The following SPTB variants were observed in gnomAD, a reference collection of about 807,000 sequenced individuals.
SPTB encodes the protein spectrin beta, erythrocytic.
A neutral mutation model predicts 256.2 loss-of-function variants in SPTB; 45 were observed. That is an observed-to-expected ratio of 0.18 (90% CI 0.14 to 0.23). The LOEUF is 0.23. SPTB is among the 10% of genes least tolerant of loss of function. The probability of loss-of-function intolerance (pLI) is 1.00; values close to 1 mark genes in which losing one functional copy is unlikely to be tolerated. For synonymous variants in SPTB, 1,231 were observed against 1,243.1 expected, an observed-to-expected ratio of 0.99 and a Z score of 0.21; for missense variants, 2,715 against 3,040.4, an observed-to-expected ratio of 0.89 and a Z score of 2.52.
intron 20 of SPTB, among the ~76,000 whole-genome samples, chr14:64,780,903 A>T (rs2082458546): frequency 6.6e-6 from 1 of 152,186 alleles, no homozygotes; most frequent in Admixed American, 6.5e-5. Context: ...CAGAGTAGAG[A>T]GTCCAGAAAT....
At chr14:64,800,064 G>A (rs2082852546) in intron 8 of SPTB, 130 bp from the exon 9 acceptor site, 1 of 1,194,120 alleles carries the variant, frequency 8.4e-7, no homozygotes, top group African/African-American at 1.5e-5. Context: ...GCTCTAGGCT[G>A]GGTTTGTTCC....
chr14:64,748,940 T>C lies in SPTB; in HGVS notation c.*366A>G. The C allele has an allele frequency of 1.8e-5, 3 of 163,064 alleles. No homozygotes were observed. Among genetic ancestry groups the C allele is most frequent in the Non-Finnish European group, 3.9e-5 (3 of 75,976 alleles). 10.1% of individuals were successfully genotyped at this position (163,064 alleles called of 1,614,324 possible). ...CCCCATCAGCCTTCTCCAGCTCTTT[T>C]TTTTTTTTTTTTTTGGTTGGGGGTA... On this transcript the variant is annotated 3_prime_UTR_variant, in exon 36 of 36. Transcript: ENST00000644917.
chr14:64,773,945 G>A (rs1338488448), intron 24 of SPTB, among the ~76,000 whole-genome samples: 2 of 152,180 alleles, frequency 1.3e-5, no homozygotes, highest in African/African-American at 4.8e-5. Context: ...GGCCCAGTGG[G>A]CTTCCATTTA....
rs55834470 is a variant in SPTB, at chr14:64,767,423, T to C, written c.6220-71A>G. ...GTTGTGTTCTCAGACGATCTCCCTC[T>C]GGATGCGGCCCTGCACCCCCACATG... On this transcript the variant is annotated intron_variant, in intron 30 of 35. Coordinates refer to ENST00000644917, the MANE Select transcript of SPTB (RefSeq NM_001355436.2). 22,194 of 1,598,734 alleles carry C rather than the reference T, an allele frequency of 0.014. 2,457 individuals are homozygous for C. The African/African-American group carries it at 0.25, about 18-fold the overall frequency.
At position 64,786,440 on chromosome 14, in the gene SPTB, T is replaced by C; in HGVS notation, c.3525A>G (p.Lys1175=). Residue 1175 remains lysine, a synonymous_variant, in exon 16 of 36, where the codon AAA becomes AAG. Transcript: ENST00000644917. This position sits in a 1 kb window ranked among gnomAD's most constrained non-coding sequence, Gnocchi z 5.6. ...GGATGGCTTCAGCCTGCTTGGCATC[T>C]TTCTGGAACTCCTGGAAGCCAAGGC... ...AQCLGFQEFQ[K]DAKQAEAILS... is the part of the protein sequence containing the mutation. 1 of 1,614,140 alleles carries C rather than the reference T, an allele frequency of 6.2e-7. No individual in the cohort carries two copies. The highest frequency in any genetic ancestry group is 8.5e-7 in the Non-Finnish European group (1 of 1,180,042).
Position 64,772,618 on chromosome 14 carries a change from T to C in SPTB, c.5515A>G (p.Thr1839Ala). 1 of 1,612,244 alleles carries C rather than the reference T, an allele frequency of 6.2e-7. No individual in the cohort carries two copies. Among genetic ancestry groups the C allele is most frequent in the Non-Finnish European group, 8.5e-7 (1 of 1,179,910 alleles). The part of the protein sequence containing the change: ...STAESFHRVH[T>A]AFERELHLLG... ...AGGTGGAGCTCCCGCTCGAAGGCTG[T>C]GTGCACCCGGTGGAAGGACTCGGCC... is the stretch of plus-strand genomic sequence containing the variant. Residue 1839 changes from threonine to alanine, a missense_variant, in exon 26 of 36, where the codon ACA becomes GCA. Thr to Ala is a moderately conservative substitution (Grantham distance 58). Transcript: ENST00000644917. The surrounding 1 kb of genome is among the most constrained non-coding windows in gnomAD (Gnocchi z 5.4).
At chr14:64,755,637 G>A (rs1044125559) in intron 32 of SPTB, 1 of 152,176 alleles carries the variant, frequency 6.6e-6, no homozygotes, top group African/African-American at 2.4e-5. Flanking sequence ...ATATGAGCAG[G>A]TGGGAAAGCC....
chr14:64,805,824 TG>T (rs1268804842), intron 2 of SPTB, among the ~76,000 whole-genome samples: 1 of 152,200 alleles, frequency 6.6e-6, no homozygotes, highest in Non-Finnish European at 1.5e-5. Flanking sequence ...AGGAAAATGA[TG>T]AGCAAGGGAA....
chr14:64,781,143 T>C lies in SPTB; in HGVS notation c.4266+1147A>G, dbSNP rs145508480. On this transcript the variant is annotated intron_variant, in intron 20 of 35. Coordinates refer to ENST00000644917, the MANE Select transcript of SPTB (RefSeq NM_001355436.2). ...GGCCTGGAAGACAACCTAGGCAATA[T>C]CATCCTGGACATAGGAATGGGCAAA... 5.1e-4 allele frequency among the ~76,000 whole-genome samples: 77 copies of C among 152,188 alleles called. No homozygotes were observed. In the East Asian group the frequency reaches 0.014, roughly 28 times the overall value.
chr14:64,788,662 A>G (rs1206017540), intron 15 of SPTB, among the ~76,000 whole-genome samples: 1 of 152,088 alleles, frequency 6.6e-6, no homozygotes, highest in Non-Finnish European at 1.5e-5. Context: ...CCCCATAGTG[A>G]TTTTCCAGGC....
At position 64,774,466 on chromosome 14, in the gene SPTB, T is replaced by A; in HGVS notation, c.4904A>T (p.Asp1635Val). The change falls in exon 24 of 36, where the codon GAC becomes GTC. Residue 1635 changes from aspartate (D) to valine (V), a missense_variant. Physicochemically the swap from Asp to Val is radical, Grantham distance 152 (BLOSUM62 -3). Around this residue, in one of 4 missense-constraint regions of SPTB, gnomAD observed 2,239 missense variants for 2,384.4 expected, o/e 0.94. Coordinates refer to ENST00000644917, the MANE Select transcript of SPTB (RefSeq NM_001355436.2). ...CAGCTGCTTGATGTTCCGGCCGTAGTCCTCCACCGCACGCTGCTGCCGCAA... is the reference window on the plus strand; with the variant it reads ...CAGCTGCTTGATGTTCCGGCCGTAGACCTCCACCGCACGCTGCTGCCGCAA... ...RHLRQQRAVE[D>V]YGRNIKQLAS... is the part of the protein sequence containing the mutation. 1.3e-6 allele frequency: 2 copies of A among 1,561,066 alleles called. No individual in the cohort carries two copies. The highest frequency in any genetic ancestry group is 2.4e-5 in the South Asian group (2 of 84,832).
Position 64,868,107 on chromosome 14 carries a change from G to A in SPTB, c.-52+11685C>T, listed in dbSNP as rs974699377. 3.9e-5 allele frequency among the ~76,000 whole-genome samples: 6 copies of A among 152,254 alleles called. No individual in the cohort carries two copies. In the East Asian group the frequency reaches 7.7e-4, roughly 20 times the overall value. On this transcript the variant is annotated intron_variant, in intron 1 of 35. Transcript: ENST00000644917. ...TTGGGGCAATGGGGAACCATTGAGG[G>A]TTTTAAAGCAGTAGAATGACTCAGT...
At position 64,844,436 on chromosome 14, in the gene SPTB, G is replaced by A. The variant is rs1490604577; in HGVS notation, c.-51-21291C>T. Among the ~76,000 whole-genome samples the A allele has an allele frequency of 6.6e-6, 1 of 152,212 alleles. No homozygotes were observed. Among genetic ancestry groups the A allele is most frequent in the Non-Finnish European group, 1.5e-5 (1 of 68,044 alleles). ...ATGTGAGGCACCATGCTAAGTGCCT[G>A]ACATACATACCTCCTTTCATCATCA... On this transcript the variant is annotated intron_variant, in intron 1 of 35. Coordinates refer to ENST00000644917, the MANE Select transcript of SPTB (RefSeq NM_001355436.2). The surrounding 1 kb of genome is among the most constrained non-coding windows in gnomAD (Gnocchi z 4.1).
chr14:64,793,329 C>G lies in SPTB; in HGVS notation c.2334G>C (p.Thr778=). The G allele has an allele frequency of 1.9e-6, 3 of 1,609,634 alleles. No individual in the cohort carries two copies. The highest frequency in any genetic ancestry group is 2.5e-6 in the Non-Finnish European group (3 of 1,180,010). Residue 778 remains threonine (T), a synonymous_variant, in exon 14 of 36, where the codon ACG becomes ACC. Coordinates refer to ENST00000644917, the MANE Select transcript of SPTB (RefSeq NM_001355436.2). The surrounding 1 kb of genome is among the most constrained non-coding windows in gnomAD (Gnocchi z 7.0). ...GEDVGQDEGA[T]RALGKKHKDF... is the part of the protein sequence containing the mutation. The stretch of plus-strand genomic sequence containing the variant: ...CCTTGTGCTTTTTCCCCAGGGCCCG[C>G]GTGGCCCCTTCGTCCTGCCCCACAT...
intron 1 of SPTB, among the ~76,000 whole-genome samples, chr14:64,863,134 T>G (rs574205759): frequency 1.3e-5 from 2 of 152,272 alleles, no homozygotes; most frequent in African/African-American, 4.8e-5. Context: ...TGTATGTCAC[T>G]CCCCTGTTAG....
rs934867152 is a variant in SPTB at position 64,758,177 on chromosome 14, G to A, written c.6346-4384C>T. Among the ~76,000 whole-genome samples, 3 of 152,230 alleles carry A rather than the reference G, an allele frequency of 2.0e-5. No homozygotes were observed. Among genetic ancestry groups the A allele is most frequent in the Non-Finnish European group, 2.9e-5 (2 of 68,044 alleles). On this transcript the variant is annotated intron_variant, in intron 32 of 35. Transcript: ENST00000644917. This position sits in a 1 kb window ranked among gnomAD's most constrained non-coding sequence, Gnocchi z 4.6. ...ACCCCTGCCTCCCTGGGGCTTTGCC[G>A]AGCAATTATTGTGGCCAGTGTCCTG... is the stretch of plus-strand genomic sequence containing the variant.
chr14:64,849,320 C>T (rs1166317810), intron 1 of SPTB, among the ~76,000 whole-genome samples: 1 of 152,172 alleles, frequency 6.6e-6, no homozygotes, highest in Non-Finnish European at 1.5e-5. Context: ...TTCCCCACTG[C>T]CTGAGTGGGG....
In SPTB at chr14:64,825,417, G is replaced by A. The variant is rs1222622064; in HGVS notation, c.-51-2272C>T. ...CAGGACTGAGATTTCGCACCCAACT[G>A]GCTGGGCAACGATAGCCGGGAAAGA... On this transcript the variant is annotated intron_variant, in intron 1 of 35. Coordinates refer to ENST00000644917, the MANE Select transcript of SPTB (RefSeq NM_001355436.2). This position sits in a 1 kb window ranked among gnomAD's most constrained non-coding sequence, Gnocchi z 4.8. Among the ~76,000 whole-genome samples, 1 of 152,160 alleles carries A rather than the reference G, an allele frequency of 6.6e-6. No individual in the cohort carries two copies. Among genetic ancestry groups the A allele is most frequent in the African/African-American group, 2.4e-5 (1 of 41,438 alleles).
chr14:64,857,352 G>T (rs187397413), intron 1 of SPTB, among the ~76,000 whole-genome samples: 1 of 152,146 alleles, frequency 6.6e-6, no homozygotes, highest in African/African-American at 2.4e-5. Context: ...GGAGGCCGAG[G>T]CGGGAATATC....
Sources: gnomAD v4.1 joint callset for allele counts (sites outside exome capture counted in the v4.1 genomes callset) on GRCh38, gnomAD v4.1.1 for gene constraint, gnomAD v4.1.1 regional missense constraint, Gnocchi (gnomAD v3.1) non-coding constraint, MANE v1.5 for transcripts, NCBI Gene and HGNC (gene_info 2026-07-23, HGNC 2026-07-21) for gene names.